Variants in ANKH observed in about 807,000 individuals in gnomAD.
The protein encoded by ANKH is mineralization regulator ANKH.
Under a neutral mutation model 49.0 loss-of-function variants are expected in ANKH, and 15 were observed. The ratio of observed to expected loss-of-function variants is 0.31; its 90% CI spans 0.20 to 0.47. ANKH has a LOEUF of 0.47. ANKH is among the 20% of genes least tolerant of loss of function. ANKH has a pLI of 1.00. For synonymous variants in ANKH, 273 were observed against 260.0 expected, an observed-to-expected ratio of 1.05 and a Z score of -0.48; for missense variants, 429 against 652.0, an observed-to-expected ratio of 0.66 and a Z score of 3.72.
chr5:14,784,399 T>C (rs1043683780), intron 1 of ANKH, among the ~76,000 whole-genome samples: 13 of 151,886 alleles, frequency 8.6e-5, no homozygotes, highest in Non-Finnish European at 1.5e-5. Context: ...CTGAAGAGGG[T>C]GGGGCGGCAG....
At chr5:14,766,793 T>C (rs974063056) in intron 2 of ANKH, among the ~76,000 whole-genome samples, 1 of 152,188 alleles carries the variant, frequency 6.6e-6, no homozygotes, top group African/African-American at 2.4e-5. Flanking sequence ...GAGCTGTACA[T>C]GTAGGGAATA....
intron 1 of ANKH, among the ~76,000 whole-genome samples, chr5:14,774,414 G>A (rs1158331312): frequency 6.6e-6 from 1 of 152,036 alleles, no homozygotes; most frequent in Non-Finnish European, 1.5e-5. Flanking sequence ...CCATTTATTT[G>A]TGATTTTTTT....
At position 14,705,381 on chromosome 5, in the gene ANKH, A is replaced by G. The variant is rs1003600134; in HGVS notation, c.*5816T>C. On this transcript the variant is annotated 3_prime_UTR_variant, in exon 12 of 12. Transcript: ENST00000284268. ...ATTGTAGGATCTCATACGACGTTCT[A>G]AATCCTAGATCATAAACAGAATGTT... The G allele has an allele frequency of 6.6e-6, 1 of 152,236 alleles. No individual in the cohort carries two copies. Among genetic ancestry groups the G allele is most frequent in the Non-Finnish European group, 1.5e-5 (1 of 68,040 alleles). The allele number at this position is 152,236 out of a possible 1,614,324, so 9.4% of individuals were successfully genotyped here.
At chr5:14,793,033 TAAAA>T (rs71307307) in intron 1 of ANKH, among the ~76,000 whole-genome samples, 85 of 68,666 alleles carry the variant, frequency 1.2e-3, no homozygotes, top group East Asian at 2.8e-3. Flanking sequence ...TATATATATA[TAAAA>T]ATATATATAT....
chr5:14,860,027 A>G (rs1464130590), intron 1 of ANKH, among the ~76,000 whole-genome samples: 1 of 152,206 alleles, frequency 6.6e-6, no homozygotes, highest in Non-Finnish European at 1.5e-5. Context: ...AACTACCTAC[A>G]ATGCCAGGAA....
intron 1 of ANKH, among the ~76,000 whole-genome samples, chr5:14,827,222 G>C (rs971180234): frequency 9.9e-5 from 15 of 152,172 alleles, no homozygotes; most frequent in African/African-American, 3.4e-4. Context: ...CTTTTACCAA[G>C]GGCCACTGCT....
chr5:14,860,497 A>G (rs887133275), intron 1 of ANKH, among the ~76,000 whole-genome samples: 1 of 152,190 alleles, frequency 6.6e-6, no homozygotes, highest in East Asian at 1.9e-4. Context: ...CATTTAAAGC[A>G]CTAAGAAGTC....
chr5:14,786,008 T>A (rs538708789), intron 1 of ANKH, among the ~76,000 whole-genome samples: 48 of 143,442 alleles, frequency 3.3e-4, no homozygotes, highest in Admixed American at 2.7e-3. Flanking sequence ...ATCACGCCAC[T>A]GTATTCTAGC....
intron 11 of ANKH, among the ~76,000 whole-genome samples, chr5:14,712,465 C>T (rs77593014): frequency 6.6e-6 from 1 of 152,248 alleles, no homozygotes; most frequent in Non-Finnish European, 1.5e-5. Flanking sequence ...AGAGGCTGCC[C>T]GAGCTCCTGT....
intron 1 of ANKH, among the ~76,000 whole-genome samples, chr5:14,826,772 T>C (rs1030061795): frequency 2.0e-5 from 3 of 152,228 alleles, no homozygotes; most frequent in Non-Finnish European, 2.9e-5. Context: ...ATGTTTCTGC[T>C]TTAGAGTGAA....
intron 1 of ANKH, among the ~76,000 whole-genome samples, chr5:14,847,419 G>C (rs1175728084): frequency 6.6e-6 from 1 of 152,116 alleles, no homozygotes; most frequent in Non-Finnish European, 1.5e-5. Flanking sequence ...GGTTCCACTC[G>C]GAAATCGCCG....
Position 14,769,818 on chromosome 5 carries a change from A to C in ANKH, c.97-627T>G, listed in dbSNP as rs1739379359. 3.9e-5 allele frequency among the ~76,000 whole-genome samples: 6 copies of C among 152,346 alleles called. No homozygotes were observed. The South Asian group carries it at 1.2e-3, about 32-fold the overall frequency. The stretch of plus-strand genomic sequence containing the variant: ...TGAAATACATTCCTGAGCTCTACAC[A>C]GACAAATATGAAAAGAACACCTTTA... On this transcript the variant is annotated intron_variant, in intron 1 of 11. Transcript: ENST00000284268.
chr5:14,838,937 T>C (rs1741738873), intron 1 of ANKH, among the ~76,000 whole-genome samples: 2 of 152,182 alleles, frequency 1.3e-5, no homozygotes, highest in African/African-American at 4.8e-5. Flanking sequence ...GGCAAAGACC[T>C]GAAGACTTGA....
chr5:14,771,929 A>AC (rs1561048044), intron 1 of ANKH, among the ~76,000 whole-genome samples: 24 of 135,964 alleles, frequency 1.8e-4, no homozygotes, highest in African/African-American at 5.7e-4. Flanking sequence ...AAGAAAAAAA[A>AC]AAAAAAAAAA....
intron 1 of ANKH, among the ~76,000 whole-genome samples, chr5:14,829,198 A>AG (rs1197362303): frequency 6.6e-6 from 1 of 151,518 alleles, no homozygotes; most frequent in East Asian, 1.9e-4. Flanking sequence ...AAAAAAAAAA[A>AG]AAAAAAAAAA....
chr5:14,793,002 AT>A (rs1740223681), intron 1 of ANKH, among the ~76,000 whole-genome samples: 5 of 64,740 alleles, frequency 7.7e-5, no homozygotes, highest in Admixed American at 5.4e-4. Flanking sequence ...ATATATATAT[AT>A]ATAAATATAT....
At chr5:14,785,860 A>T (rs919032883) in intron 1 of ANKH, among the ~76,000 whole-genome samples, 1 of 151,816 alleles carries the variant, frequency 6.6e-6, no homozygotes, top group Non-Finnish European at 1.5e-5. Context: ...TGAGACCAAG[A>T]TGGTGAAACC....
chr5:14,783,657 GA>G (rs1300201582), intron 1 of ANKH, among the ~76,000 whole-genome samples: 2 of 152,088 alleles, frequency 1.3e-5, no homozygotes, highest in Non-Finnish European at 2.9e-5. Context: ...TATATGTCCT[GA>G]ATTTATTTTG....
In ANKH at chr5:14,705,882, A is replaced by G. The variant is rs1736929731; in HGVS notation, c.*5315T>C. 1.3e-5 allele frequency: 2 copies of G among 152,184 alleles called. No homozygotes were observed. The highest frequency in any genetic ancestry group is 2.9e-5 in the Non-Finnish European group (2 of 68,026). 9.4% of individuals were successfully genotyped at this position (152,184 alleles called of 1,614,324 possible). ...GGTCCCTGCATGTTCATGGCCCCAC[A>G]CTTCAGGGAACCAGCATCTACCCGG... On this transcript the variant is annotated 3_prime_UTR_variant, in exon 12 of 12. Coordinates refer to ENST00000284268, the MANE Select transcript of ANKH (RefSeq NM_054027.6).
Sources: gnomAD v4.1 joint callset for allele counts (sites outside exome capture counted in the v4.1 genomes callset) on GRCh38, gnomAD v4.1.1 for gene constraint, MANE v1.5 for transcripts, NCBI Gene and HGNC (gene_info 2026-07-23, HGNC 2026-07-21) for gene names.